The following TBC1D9 variants were observed in gnomAD, a reference collection of about 807,000 sequenced individuals.
The protein encoded by TBC1D9 is TBC1 domain family member 9.
A neutral mutation model predicts 132.0 loss-of-function variants in TBC1D9; 63 were observed. The observed-to-expected ratio is 0.48, with a 90% CI of 0.39 to 0.59. The LOEUF (loss-of-function observed/expected upper bound fraction) is 0.59, where lower values mean the gene tolerates loss of function less well. Ranked by LOEUF, TBC1D9 falls within the 20% of genes least tolerant of loss-of-function variation. The pLI, the probability that TBC1D9 is intolerant of heterozygous loss-of-function variation, is 0.00. For synonymous variants in TBC1D9, 610 were observed against 609.9 expected, an observed-to-expected ratio of 1.00 and a Z score of 0.00; for missense variants, 1,261 against 1,592.7, an observed-to-expected ratio of 0.79 and a Z score of 3.54.
At chr4:140,721,313 G>T (rs550168316) in intron 1 of TBC1D9, among the ~76,000 whole-genome samples, 2 of 152,066 alleles carry the variant, frequency 1.3e-5, no homozygotes, top group Admixed American at 6.6e-5. Context: ...GTGACCTTAC[G>T]CCAGGTAGGC....
At chr4:140,649,477 A>G (rs948684583) in intron 13 of TBC1D9, among the ~76,000 whole-genome samples, 20 of 152,374 alleles carry the variant, frequency 1.3e-4, no homozygotes, top group African/African-American at 4.6e-4. Flanking sequence ...TACTTAAGAT[A>G]GTAAATGAAG....
chr4:140,666,014 G>A (rs1737438417), intron 9 of TBC1D9, among the ~76,000 whole-genome samples: 1 of 152,098 alleles, frequency 6.6e-6, no homozygotes, highest in Non-Finnish European at 1.5e-5. Flanking sequence ...AACATTCATA[G>A]CAGCATTATT....
At position 140,669,651 on chromosome 4, in the gene TBC1D9, C is replaced by T; in HGVS notation, c.1420G>A (p.Glu474Lys). 6.2e-7 allele frequency: 1 copy of T among 1,611,854 alleles called. No homozygotes were observed. Among genetic ancestry groups the T allele is most frequent in the Non-Finnish European group, 8.5e-7 (1 of 1,178,232 alleles). The change falls in exon 8 of 21, where the codon GAG becomes AAG. Residue 474 changes from glutamate (E) to lysine (K), a missense_variant. Physicochemically the swap from Glu to Lys is moderately conservative, Grantham distance 56. Transcript: ENST00000442267. ...GCACCCACCAATTTCGGGTTGAACT[C>T]CTCGGGAGACCGCCGCCGATACATG... ...MTMYRRRSPE[E>K]FNPKLAKEFL...
At chr4:140,636,682 C>T (rs962559105) in intron 15 of TBC1D9, among the ~76,000 whole-genome samples, 5 of 152,162 alleles carry the variant, frequency 3.3e-5, no homozygotes, top group Admixed American at 3.3e-4. Flanking sequence ...TGAGCTACTG[C>T]ACCTGTCTCT....
At chr4:140,643,910 C>CGGCA in intron 13 of TBC1D9, 1 of 697,182 alleles carries the variant, frequency 1.4e-6, no homozygotes, top group Non-Finnish European at 2.6e-6. Flanking sequence ...ACTCCAGAGG[C>CGGCA]GGCAGCTCTG....
At position 140,622,187 on chromosome 4, in the gene TBC1D9, C is replaced by A; in HGVS notation, c.*8G>T. 6.4e-7 allele frequency: 1 copy of A among 1,563,698 alleles called. No individual in the cohort carries two copies. Among genetic ancestry groups the A allele is most frequent in the South Asian group, 1.2e-5 (1 of 84,980 alleles). On this transcript the variant is annotated 3_prime_UTR_variant, in exon 21 of 21. Coordinates refer to ENST00000442267, the MANE Select transcript of TBC1D9 (RefSeq NM_015130.3). ...CTCTCCTCCCACTCCCCCGGGAAGGCGCCCGTGTCAGCCGGACATGGCCGA... is the reference window on the plus strand; with the variant it reads ...CTCTCCTCCCACTCCCCCGGGAAGGAGCCCGTGTCAGCCGGACATGGCCGA...
intron 1 of TBC1D9, among the ~76,000 whole-genome samples, chr4:140,702,653 A>G (rs1307205544): frequency 6.6e-6 from 1 of 152,138 alleles, no homozygotes; most frequent in African/African-American, 2.4e-5. Flanking sequence ...ATCAGTGCAA[A>G]TTTCTCTTTT....
chr4:140,677,696 G>A (rs762492776), intron 5 of TBC1D9, among the ~76,000 whole-genome samples: 78 of 152,174 alleles, frequency 5.1e-4, no homozygotes, highest in Non-Finnish European at 9.7e-4. Flanking sequence ...GCTTCTACCT[G>A]ACATCAGCCT....
At chr4:140,655,279 C>T (rs1323090184) in intron 13 of TBC1D9, among the ~76,000 whole-genome samples, 1 of 152,052 alleles carries the variant, frequency 6.6e-6, no homozygotes, top group African/African-American at 2.4e-5. Context: ...TATGGAGTTT[C>T]AATGAAGATT....
At chr4:140,755,194 T>C (rs1232019594) in intron 1 of TBC1D9, among the ~76,000 whole-genome samples, 1 of 152,222 alleles carries the variant, frequency 6.6e-6, no homozygotes, top group Non-Finnish European at 1.5e-5. Flanking sequence ...TGGCACTACT[T>C]TGGATATGGG....
At chr4:140,664,462 C>A (rs914900462) in intron 9 of TBC1D9, among the ~76,000 whole-genome samples, 1 of 152,160 alleles carries the variant, frequency 6.6e-6, no homozygotes, top group African/African-American at 2.4e-5. Context: ...TCCCATCTGT[C>A]CTTTTTGCAA....
intron 8 of TBC1D9, 120 bp from the exon 9 acceptor site, chr4:140,669,187 T>A: frequency 9.8e-7 from 1 of 1,015,622 alleles, no homozygotes; most frequent in Admixed American, 2.8e-5. Context: ...AAAGAAGTCA[T>A]GAGAAAAAGG....
At chr4:140,701,691 T>C in intron 1 of TBC1D9, 77 bp from the exon 2 acceptor site, 1 of 1,081,434 alleles carries the variant, frequency 9.2e-7, no homozygotes, top group Admixed American at 2.1e-5. Context: ...AGCATGAACA[T>C]GCCCTTTCAT....
rs753545187 is a variant in TBC1D9, at chr4:140,657,074, C to A, written c.2337+23G>T. The A allele has an allele frequency of 5.6e-6, 9 of 1,610,474 alleles. No homozygotes were observed. In the East Asian group the frequency reaches 1.8e-4, roughly 32 times the overall value. Reference sequence around the variant, plus strand: ...GTGTCGAATGCATGGTTAAGCCCTGCTCAGCCAGGAGACAAGACCTACCTC... The same window carrying A: ...GTGTCGAATGCATGGTTAAGCCCTGATCAGCCAGGAGACAAGACCTACCTC... On this transcript the variant is annotated intron_variant, in intron 13 of 20. Transcript: ENST00000442267.
At chr4:140,645,058 C>T (rs143738368) in intron 13 of TBC1D9, 24 of 495,144 alleles carry the variant, frequency 4.8e-5, no homozygotes, top group African/African-American at 1.4e-4. Flanking sequence ...GACCAGCAAC[C>T]GGAGCCTGCC....
rs111330479 is a variant in TBC1D9 at position 140,677,645 on chromosome 4, T to C, written c.852-544A>G. On this transcript the variant is annotated intron_variant, in intron 5 of 20. Transcript: ENST00000442267. ...TATCTTTTCTCTAATGAGTTCTTTGTTCTTGCTCATCATGTCAGTTGTTTA... is the reference window on the plus strand; with the variant it reads ...TATCTTTTCTCTAATGAGTTCTTTGCTCTTGCTCATCATGTCAGTTGTTTA... Among the ~76,000 whole-genome samples, 1,077 of 152,310 alleles carry C rather than the reference T, an allele frequency of 7.1e-3. 7 individuals are homozygous for C. The highest frequency in any genetic ancestry group is 0.025 in the African/African-American group (1,027 of 41,562).
intron 18 of TBC1D9, among the ~76,000 whole-genome samples, chr4:140,625,778 T>C (rs942290283): frequency 1.3e-5 from 2 of 152,202 alleles, no homozygotes; most frequent in Non-Finnish European, 1.5e-5. Flanking sequence ...AAAAGCAGGA[T>C]ACAAAACTGT....
chr4:140,673,908 G>T (rs1307631968), intron 6 of TBC1D9, among the ~76,000 whole-genome samples: 1 of 152,210 alleles, frequency 6.6e-6, no homozygotes, highest in Non-Finnish European at 1.5e-5. Context: ...ACACCCGGGA[G>T]GGGGAAGCCA....
chr4:140,753,468 T>G (rs1427436839), intron 1 of TBC1D9, among the ~76,000 whole-genome samples: 1 of 152,066 alleles, frequency 6.6e-6, no homozygotes, highest in African/African-American at 2.4e-5. Flanking sequence ...AAGAGAGAAG[T>G]CAGGGCATGT....
Sources: gnomAD v4.1 joint callset for allele counts (sites outside exome capture counted in the v4.1 genomes callset) on GRCh38, gnomAD v4.1.1 for gene constraint, MANE v1.5 for transcripts, NCBI Gene and HGNC (gene_info 2026-07-23, HGNC 2026-07-21) for gene names.